Variants in ARHGAP24 observed in about 807,000 individuals in gnomAD.
ARHGAP24 encodes Rho GTPase activating protein 24.
ARHGAP24 carries 50 observed loss-of-function variants against 76.4 expected under a neutral mutation model. That is an observed-to-expected ratio of 0.65 (90% confidence interval 0.52 to 0.83). The LOEUF is 0.83. Ranked by LOEUF, ARHGAP24 falls within the 40% of genes least tolerant of loss-of-function variation. ARHGAP24 has a pLI of 0.00. For synonymous variants in ARHGAP24, 345 were observed against 323.3 expected, an observed-to-expected ratio of 1.07 and a Z score of -0.72; for missense variants, 930 against 914.2, an observed-to-expected ratio of 1.02 and a Z score of -0.22.
Position 85,928,603 on chromosome 4 carries a change from G to A in ARHGAP24, c.391+4833G>A, listed in dbSNP as rs924739455. Among the ~76,000 whole-genome samples, 7 of 152,022 alleles carry A rather than the reference G, an allele frequency of 4.6e-5. No homozygotes were observed. The South Asian group carries it at 8.3e-4, about 18-fold the overall frequency. The stretch of plus-strand genomic sequence containing the variant: ...CTCCCCAGTAGCTGATATTACAGTC[G>A]CCTGCCACCACATCCACCTAAATTT... On this transcript the variant is annotated intron_variant, in intron 4 of 9. Coordinates refer to ENST00000395184, the MANE Select transcript of ARHGAP24 (RefSeq NM_001025616.3).
intron 3 of ARHGAP24, among the ~76,000 whole-genome samples, chr4:85,849,581 A>T (rs571892110): frequency 6.6e-6 from 1 of 151,972 alleles, no homozygotes; most frequent in African/African-American, 2.4e-5. Flanking sequence ...ATTGGCTGTG[A>T]GTTTGTCATA....
intron 3 of ARHGAP24, among the ~76,000 whole-genome samples, chr4:85,826,414 G>A (rs1397366107): frequency 6.6e-6 from 1 of 152,082 alleles, no homozygotes; most frequent in Non-Finnish European, 1.5e-5. Context: ...AACACTAGAC[G>A]GGGCTCATGC....
intron 3 of ARHGAP24, among the ~76,000 whole-genome samples, chr4:85,729,090 A>G (rs114817659): frequency 0.014 from 2,143 of 151,936 alleles, 28 homozygotes; most frequent in Non-Finnish European, 0.021. Flanking sequence ...AATCCATGCA[A>G]TTATATTTGT....
intron 2 of ARHGAP24, among the ~76,000 whole-genome samples, chr4:85,602,271 G>T (rs767011809): frequency 6.6e-6 from 1 of 152,158 alleles, no homozygotes; most frequent in East Asian, 1.9e-4. Context: ...GATAATCAAA[G>T]CTAATGACCA....
At chr4:85,500,900 G>T (rs1457050514) in intron 1 of ARHGAP24, among the ~76,000 whole-genome samples, 1 of 148,380 alleles carries the variant, frequency 6.7e-6, no homozygotes, top group Non-Finnish European at 1.5e-5. Flanking sequence ...GCCCTGGTGT[G>T]TGATGTTCCC....
intron 3 of ARHGAP24, among the ~76,000 whole-genome samples, chr4:85,739,463 A>T (rs1725735695): frequency 6.6e-6 from 1 of 152,124 alleles, no homozygotes; most frequent in Non-Finnish European, 1.5e-5. Flanking sequence ...ATACCAAATC[A>T]TCTTTCTGTT....
At chr4:85,545,305 G>A (rs1725876925) in intron 1 of ARHGAP24, among the ~76,000 whole-genome samples, 1 of 151,962 alleles carries the variant, frequency 6.6e-6, no homozygotes, top group African/African-American at 2.4e-5. Context: ...TCGCCAAGTT[G>A]GCCAGGCTGG....
chr4:85,913,339 T>G (rs193184900), intron 3 of ARHGAP24, among the ~76,000 whole-genome samples: 2 of 151,412 alleles, frequency 1.3e-5, no homozygotes. Context: ...GTTACCTACA[T>G]CTAGTTGCCT....
chr4:85,906,126 A>T (rs1344539978), intron 3 of ARHGAP24, among the ~76,000 whole-genome samples: 2 of 152,224 alleles, frequency 1.3e-5, no homozygotes, highest in African/African-American at 4.8e-5. Context: ...CACTCTTCTC[A>T]TGGAAAATAG....
intron 3 of ARHGAP24, among the ~76,000 whole-genome samples, chr4:85,853,887 G>A (rs1465666704): frequency 4.6e-5 from 7 of 152,028 alleles, no homozygotes; most frequent in African/African-American, 1.7e-4. Context: ...CTGGGAGGTG[G>A]AGGTTACAAT....
At chr4:85,570,408 TTCTTTCTTTCCTCTCTCTCTCTC>T in intron 1 of ARHGAP24, 91 bp from the exon 2 acceptor site, 3 of 376,554 alleles carry the variant, frequency 8.0e-6, no homozygotes, top group Admixed American at 5.1e-5. Context: ...CTTTCTTTCT[TTCTTTCTTTCCTCTCTCTCTCTC>T]TTTTTTTTTT....
At chr4:85,982,084 G>T (rs192373168) in intron 8 of ARHGAP24, among the ~76,000 whole-genome samples, 1 of 151,564 alleles carries the variant, frequency 6.6e-6, no homozygotes, top group Admixed American at 6.6e-5. Context: ...TTTTGGAAAT[G>T]TTGCCCATGA....
At chr4:85,766,492 G>T (rs149724339) in intron 3 of ARHGAP24, among the ~76,000 whole-genome samples, 448 of 152,072 alleles carry the variant, frequency 2.9e-3, no homozygotes, top group African/African-American at 0.01. Context: ...CAAATTCTTG[G>T]ATCTCTACCC....
intron 1 of ARHGAP24, among the ~76,000 whole-genome samples, chr4:85,542,737 G>C (rs1221664885): frequency 6.6e-6 from 1 of 152,190 alleles, no homozygotes; most frequent in African/African-American, 2.4e-5. Flanking sequence ...AATGAATACA[G>C]TGTATTAATA....
intron 3 of ARHGAP24, among the ~76,000 whole-genome samples, chr4:85,745,369 A>G (rs893035642): frequency 1.5e-5 from 2 of 135,900 alleles, no homozygotes; most frequent in Non-Finnish European, 1.7e-5. Flanking sequence ...TATGTATTAT[A>G]TTGTATACAT....
intron 3 of ARHGAP24, among the ~76,000 whole-genome samples, chr4:85,808,119 C>A (rs1243834821): frequency 1.3e-5 from 2 of 152,118 alleles, no homozygotes; most frequent in Non-Finnish European, 2.9e-5. Context: ...TTTCAGCATT[C>A]TCATTTTATT....
chr4:85,521,205 G>C (rs976779459), intron 1 of ARHGAP24, among the ~76,000 whole-genome samples: 2 of 152,072 alleles, frequency 1.3e-5, no homozygotes, highest in African/African-American at 2.4e-5. Flanking sequence ...GAAATAGCAT[G>C]TTGTTTCACT....
At chr4:85,755,207 T>C (rs1726428856) in intron 3 of ARHGAP24, among the ~76,000 whole-genome samples, 1 of 152,186 alleles carries the variant, frequency 6.6e-6, no homozygotes, top group Admixed American at 6.5e-5. Flanking sequence ...TCATAAAATG[T>C]AACTTTTTTT....
chr4:85,508,717 C>G (rs1036943015), intron 1 of ARHGAP24, among the ~76,000 whole-genome samples: 16 of 152,294 alleles, frequency 1.1e-4, no homozygotes, highest in African/African-American at 3.9e-4. Flanking sequence ...TCTTAATAAA[C>G]CACTGCTTTC....
Sources: allele counts gnomAD v4.1 joint callset (sites outside exome capture counted in the v4.1 genomes callset), GRCh38; gene constraint gnomAD v4.1.1; transcripts MANE v1.5; gene names NCBI Gene and HGNC (gene_info 2026-07-23, HGNC 2026-07-21).